Variants in CSNK2A2IP observed in about 807,000 individuals in gnomAD.
The protein encoded by CSNK2A2IP is casein kinase 2 subunit alpha' interacting protein.
the CSNK2A2IP span, among the ~76,000 whole-genome samples, chr3:88,368,737 C>T: frequency 3.9e-5 from 6 of 152,062 alleles, no homozygotes; most frequent in East Asian, 1.2e-3. Context: ...ATTTTCTTTC[C>T]CAATGTGTTT....
At chr3:88,458,433 A>G in the CSNK2A2IP span, among the ~76,000 whole-genome samples, 2 of 152,054 alleles carry the variant, frequency 1.3e-5, no homozygotes. Flanking sequence ...CTACAGGCGT[A>G]AGACACCATG....
At chr3:88,419,849 G>T in the CSNK2A2IP span, among the ~76,000 whole-genome samples, 13 of 152,026 alleles carry the variant, frequency 8.6e-5, no homozygotes, top group African/African-American at 3.1e-4. Context: ...AAAACCGTTT[G>T]CTTTAAGTGT....
chr3:88,405,861 C>T, the CSNK2A2IP span, among the ~76,000 whole-genome samples: 2 of 152,028 alleles, frequency 1.3e-5, no homozygotes, highest in East Asian at 1.9e-4. Flanking sequence ...GCTTGCAGAA[C>T]AAAAATATTT....
the CSNK2A2IP span, among the ~76,000 whole-genome samples, chr3:88,399,269 G>C: frequency 6.6e-6 from 1 of 152,010 alleles, no homozygotes; most frequent in African/African-American, 2.4e-5. Context: ...GTTGTCTGAG[G>C]CTTTATTGTT....
chr3:88,445,858 A>G, the CSNK2A2IP span, among the ~76,000 whole-genome samples: 1 of 151,862 alleles, frequency 6.6e-6, no homozygotes, highest in Non-Finnish European at 1.5e-5. Context: ...GGATGTTTAC[A>G]ATCTTGTTCA....
At chr3:88,375,801 C>T in the CSNK2A2IP span, among the ~76,000 whole-genome samples, 1 of 151,728 alleles carries the variant, frequency 6.6e-6, no homozygotes, top group South Asian at 2.1e-4. Flanking sequence ...AAACTTAACT[C>T]CTGACCCACA....
chr3:88,462,861 C>T, the CSNK2A2IP span, among the ~76,000 whole-genome samples: 1 of 152,028 alleles, frequency 6.6e-6, no homozygotes. Context: ...TATTTGGAAC[C>T]TCAAGAGATA....
the CSNK2A2IP span, among the ~76,000 whole-genome samples, chr3:88,384,645 A>G: frequency 3.1e-4 from 47 of 152,352 alleles, no homozygotes; most frequent in East Asian, 8.7e-3. Flanking sequence ...GATATTACTC[A>G]ACTTATGTTT....
the CSNK2A2IP span, among the ~76,000 whole-genome samples, chr3:88,343,464 G>A: frequency 6.6e-6 from 1 of 151,818 alleles, no homozygotes; most frequent in East Asian, 1.9e-4. Context: ...TTCTTATTCA[G>A]CATTATTACT....
At chr3:88,446,082 C>CTTTCTTTA in the CSNK2A2IP span, among the ~76,000 whole-genome samples, 50 of 99,076 alleles carry the variant, frequency 5.0e-4, 1 homozygote, top group African/African-American at 1.8e-3. Flanking sequence ...TTCTTTCTTT[C>CTTTCTTTA]TTTCTTTCTT....
the CSNK2A2IP span, among the ~76,000 whole-genome samples, chr3:88,441,982 G>C: frequency 6.6e-6 from 1 of 151,820 alleles, no homozygotes; most frequent in African/African-American, 2.4e-5. Flanking sequence ...AAAGTAATTT[G>C]GGAGGTTTTA....
At chr3:88,342,467 C>A in the CSNK2A2IP span, among the ~76,000 whole-genome samples, 8 of 152,014 alleles carry the variant, frequency 5.3e-5, no homozygotes, top group Middle Eastern at 3.4e-3. Flanking sequence ...GGTCACTTTC[C>A]TTTTGCTGTC....
chr3:88,350,515 T>C, the CSNK2A2IP span, among the ~76,000 whole-genome samples: 1 of 151,214 alleles, frequency 6.6e-6, no homozygotes, highest in Non-Finnish European at 1.5e-5. Flanking sequence ...AAAGAGAAAA[T>C]TTGGAAAATG....
At chr3:88,392,149 C>A in the CSNK2A2IP span, among the ~76,000 whole-genome samples, 1 of 152,032 alleles carries the variant, frequency 6.6e-6, no homozygotes, top group East Asian at 1.9e-4. Context: ...GGCTGGGGTG[C>A]CATTTTAACA....
At chr3:88,448,536 G>T in the CSNK2A2IP span, among the ~76,000 whole-genome samples, 189 of 152,274 alleles carry the variant, frequency 1.2e-3, 1 homozygote, top group Non-Finnish European at 2.0e-3. Flanking sequence ...AATCCCTTCT[G>T]TTTATGGCAG....
At chr3:88,443,005 T>C in the CSNK2A2IP span, among the ~76,000 whole-genome samples, 3 of 152,146 alleles carry the variant, frequency 2.0e-5, no homozygotes, top group African/African-American at 7.2e-5. Context: ...AGTGTTAAAA[T>C]TGAAATAAAA....
At chr3:88,368,845 G>C in the CSNK2A2IP span, among the ~76,000 whole-genome samples, 2 of 151,976 alleles carry the variant, frequency 1.3e-5, no homozygotes, top group African/African-American at 4.8e-5. Context: ...CAAGTTTAGA[G>C]GGCAAGAAAG....
the CSNK2A2IP span, among the ~76,000 whole-genome samples, chr3:88,441,843 G>T: frequency 1.6e-3 from 249 of 151,670 alleles, 1 homozygote; most frequent in African/African-American, 5.6e-3. Context: ...ATGAGTGTCT[G>T]TGTTTTACAG....
At chr3:88,366,143 G>T in the CSNK2A2IP span, among the ~76,000 whole-genome samples, 1 of 152,136 alleles carries the variant, frequency 6.6e-6, no homozygotes, top group African/African-American at 2.4e-5. Flanking sequence ...TGTAGCATTT[G>T]CTCCTTGGCA....
Sources: gnomAD v4.1 joint callset for allele counts (sites outside exome capture counted in the v4.1 genomes callset) on GRCh38, gnomAD v4.1.1 for gene constraint, MANE v1.5 for transcripts, NCBI Gene and HGNC (gene_info 2026-07-23, HGNC 2026-07-21) for gene names.